The following TRMT10A variants were observed in gnomAD, a reference collection of about 807,000 sequenced individuals.
TRMT10A encodes the protein tRNA methyltransferase 10A.
A neutral mutation model predicts 40.4 loss-of-function variants in TRMT10A; 37 were observed. The observed-to-expected ratio is 0.92, with a 90% CI of 0.71 to 1.21. The LOEUF is 1.21. TRMT10A is among the 50% of genes most tolerant of loss of function. The pLI, the probability that TRMT10A is intolerant of heterozygous loss-of-function variation, is 0.00. For synonymous variants in TRMT10A, 103 were observed against 134.1 expected (o/e 0.77, Z 1.60); for missense variants, 388 against 404.3 (o/e 0.96, Z 0.35).
At chr4:99,556,661 T>A (rs930131303) in intron 4 of TRMT10A, among the ~76,000 whole-genome samples, 9 of 152,156 alleles carry the variant, frequency 5.9e-5, no homozygotes, top group Non-Finnish European at 1.3e-4. Context: ...ATAAAAGGAC[T>A]ATCACAGAAG....
At position 99,548,928 on chromosome 4, in the gene TRMT10A, T is replaced by C. The variant is rs1723845359; in HGVS notation, c.*160A>G. ...TCAAAAAATATTTCCTTACAAAGTTTAAAGGGCTTTTTTTTTTATTATTAT... is the reference window on the plus strand; with the variant it reads ...TCAAAAAATATTTCCTTACAAAGTTCAAAGGGCTTTTTTTTTTATTATTAT... On this transcript the variant is annotated 3_prime_UTR_variant, in exon 8 of 8. Transcript: ENST00000394876. The C allele has an allele frequency of 4.4e-6, 3 of 677,468 alleles. No homozygotes were observed. Among genetic ancestry groups the C allele is most frequent in the Non-Finnish European group, 6.6e-6 (3 of 452,234 alleles). 42.0% of individuals were successfully genotyped at this position (677,468 alleles called of 1,614,324 possible).
intron 6 of TRMT10A, among the ~76,000 whole-genome samples, chr4:99,551,461 T>C (rs1723960755): frequency 6.6e-6 from 1 of 152,192 alleles, no homozygotes; most frequent in African/African-American, 2.4e-5. Flanking sequence ...TGTCACCTAG[T>C]GACTTTGGAG....
At position 99,558,217 on chromosome 4, in the gene TRMT10A, A is replaced by C. The variant is rs764508059; in HGVS notation, c.186-6T>G. 1 of 1,588,418 alleles carries C rather than the reference A, an allele frequency of 6.3e-7. No individual in the cohort carries two copies. The highest frequency in any genetic ancestry group is 8.5e-7 in the Non-Finnish European group (1 of 1,171,172). ...GTTTTTCTTTTCGCTTTTGTCTAAAATTAGTAATTGAAATAACATTTTGTT... is the reference window on the plus strand; with the variant it reads ...GTTTTTCTTTTCGCTTTTGTCTAAACTTAGTAATTGAAATAACATTTTGTT... On this transcript the variant is annotated splice_polypyrimidine_tract_variant and splice_region_variant and intron_variant, in intron 2 of 7. Transcript: ENST00000394876.
chr4:99,548,958 G>A lies in TRMT10A; in HGVS notation c.*130C>T, dbSNP rs1317346543. On this transcript the variant is annotated 3_prime_UTR_variant, in exon 8 of 8. Transcript: ENST00000394876. ...GGCTTTTTTTTTTATTATTATTTAG[G>A]TCCAAAAAAAAGTTTTTAAAAATCA... is the stretch of plus-strand genomic sequence containing the variant. 12 of 875,990 alleles carry A rather than the reference G, an allele frequency of 1.4e-5. No individual in the cohort carries two copies. The highest frequency in any genetic ancestry group is 3.3e-5 in the Admixed American group (1 of 30,182). The allele number at this position is 875,990 out of a possible 1,614,324, so 54.3% of individuals were successfully genotyped here.
chr4:99,552,387 A>G (rs1393816236), intron 6 of TRMT10A, among the ~76,000 whole-genome samples: 3 of 152,192 alleles, frequency 2.0e-5, no homozygotes, highest in African/African-American at 7.2e-5. Context: ...TTTATGTTAC[A>G]ATTGTCTACA....
In TRMT10A at chr4:99,557,377, C is replaced by A. The variant is rs149241895; in HGVS notation, c.388G>T (p.Ala130Ser). 1.9e-6 allele frequency: 3 copies of A among 1,613,388 alleles called. No individual in the cohort carries two copies. Among genetic ancestry groups the A allele is most frequent in the Non-Finnish European group, 1.7e-6 (2 of 1,179,546 alleles). ...KLHKQIQRCY[A>S]ENRRALHPVQ... Reference sequence around the variant, plus strand: ...GGATGCAGTGCCCGTCGGTTTTCTGCGTAACATCGTTGAATCTGCTTATGA... The same window carrying A: ...GGATGCAGTGCCCGTCGGTTTTCTGAGTAACATCGTTGAATCTGCTTATGA... The change falls in exon 4 of 8, where the codon GCA becomes TCA. Residue 130 changes from alanine (A) to serine (S), a missense_variant. Ala to Ser is a moderately conservative substitution (Grantham distance 99). Transcript: ENST00000394876.
chr4:99,558,132 T>G lies in TRMT10A; in HGVS notation c.265A>C (p.Arg89=). ...QMEPNSDGHD[R]KRVRRDVVHS... ...ACAACATCTCTTCGAACACGTTTTC[T>G]GTCATGTCCATCTGAGTTTGGTTCC... is the stretch of plus-strand genomic sequence containing the variant. Residue 89 remains arginine, a synonymous_variant, in exon 3 of 8, where the codon AGA becomes CGA. Coordinates refer to ENST00000394876, the MANE Select transcript of TRMT10A (RefSeq NM_001134665.3). 6.2e-7 allele frequency: 1 copy of G among 1,612,802 alleles called. No homozygotes were observed.
chr4:99,549,589 C>A (rs1723884544), intron 7 of TRMT10A, among the ~76,000 whole-genome samples: 1 of 152,144 alleles, frequency 6.6e-6, no homozygotes, highest in African/African-American at 2.4e-5. Context: ...CAGAAATTTA[C>A]CAGTATCCCA....
At position 99,564,000 on chromosome 4, in the gene TRMT10A, A is replaced by T; in HGVS notation, c.-111T>A. On this transcript the variant is annotated 5_prime_UTR_variant, in exon 1 of 8. Coordinates refer to ENST00000394876, the MANE Select transcript of TRMT10A (RefSeq NM_001134665.3). Reference sequence around the variant, plus strand: ...TTACGGCTCACGCTTCCTTCCACAGAAACTTCAATTCCCAGAGGCAGGGGC... The same window carrying T: ...TTACGGCTCACGCTTCCTTCCACAGTAACTTCAATTCCCAGAGGCAGGGGC... 6.9e-7 allele frequency: 1 copy of T among 1,458,600 alleles called. No homozygotes were observed. Among genetic ancestry groups the T allele is most frequent in the Non-Finnish European group, 9.3e-7 (1 of 1,077,742 alleles). The allele number at this position is 1,458,600 out of a possible 1,614,324, so 90.4% of individuals were successfully genotyped here.
At chr4:99,553,694 G>A (rs995966124) in intron 6 of TRMT10A, 91 bp downstream of exon 6, 13 of 1,262,970 alleles carry the variant, frequency 1.0e-5, no homozygotes, top group Admixed American at 7.4e-5. Flanking sequence ...CAATAAAGAT[G>A]AGCTATCATT....
In TRMT10A at chr4:99,548,933, G is replaced by T. The variant is rs1723845652; in HGVS notation, c.*155C>A. Reference sequence around the variant, plus strand: ...AAATATTTCCTTACAAAGTTTAAAGGGCTTTTTTTTTTATTATTATTTAGG... The same window carrying T: ...AAATATTTCCTTACAAAGTTTAAAGTGCTTTTTTTTTTATTATTATTTAGG... On this transcript the variant is annotated 3_prime_UTR_variant, in exon 8 of 8. Coordinates refer to ENST00000394876, the MANE Select transcript of TRMT10A (RefSeq NM_001134665.3). 1 of 678,544 alleles carries T rather than the reference G, an allele frequency of 1.5e-6. No homozygotes were observed. The highest frequency in any genetic ancestry group is 2.2e-6 in the Non-Finnish European group (1 of 453,556). 42.0% of individuals were successfully genotyped at this position (678,544 alleles called of 1,614,324 possible).
At chr4:99,554,734 AAAAAAAAGAAAG>A (rs1724099154) in intron 5 of TRMT10A, among the ~76,000 whole-genome samples, 2 of 151,598 alleles carry the variant, frequency 1.3e-5, no homozygotes, top group South Asian at 4.2e-4. Flanking sequence ...AAAAAAAAAA[AAAAAAAAGAAAG>A]AAAAAAAGAA....
intron 6 of TRMT10A, among the ~76,000 whole-genome samples, chr4:99,551,503 C>G (rs1723962129): frequency 6.6e-6 from 1 of 152,144 alleles, no homozygotes; most frequent in Non-Finnish European, 1.5e-5. Context: ...ACGCATTACT[C>G]ATGTGTTTGT....
chr4:99,548,736 G>A lies in TRMT10A; in HGVS notation c.*352C>T, dbSNP rs146293723. ...GGCAATAGATCATAAAGATGTTGAT[G>A]TGACTATAAAATTAAAAAACTGAAA... On this transcript the variant is annotated 3_prime_UTR_variant, in exon 8 of 8. Coordinates refer to ENST00000394876, the MANE Select transcript of TRMT10A (RefSeq NM_001134665.3). The A allele has an allele frequency of 5.3e-3, 921 of 173,308 alleles. 8 individuals carry two copies. Among genetic ancestry groups the A allele is most frequent in the African/African-American group, 0.019 (811 of 41,972 alleles). The allele number at this position is 173,308 out of a possible 1,614,324, so 10.7% of individuals were successfully genotyped here.
chr4:99,556,248 A>G, intron 4 of TRMT10A, 28 bp from the exon 5 acceptor site: 1 of 1,589,426 alleles, frequency 6.3e-7, no homozygotes, highest in Non-Finnish European at 8.6e-7. Flanking sequence ...AGTATAGAAA[A>G]AGAGAACAAA....
chr4:99,554,722 CAA>C (rs532448105), intron 5 of TRMT10A, among the ~76,000 whole-genome samples: 11 of 90,884 alleles, frequency 1.2e-4, no homozygotes, highest in Admixed American at 2.7e-4. Flanking sequence ...GACTACGTTT[CAA>C]AAAAAAAAAA....
intron 1 of TRMT10A, chr4:99,563,686 T>C: frequency 2.8e-6 from 1 of 356,366 alleles, no homozygotes; most frequent in East Asian, 7.5e-5. Flanking sequence ...AGAGACGGGA[T>C]TAAGCTGTCT....
intron 6 of TRMT10A, among the ~76,000 whole-genome samples, chr4:99,553,354 T>C (rs578031001): frequency 1.4e-4 from 22 of 152,224 alleles, no homozygotes; most frequent in African/African-American, 5.1e-4. Flanking sequence ...TGAAAGATAA[T>C]AGAAAAAACA....
chr4:99,558,143 T>A lies in TRMT10A; in HGVS notation c.254A>T (p.Asp85Val). The change falls in exon 3 of 8, where the codon GAT becomes GTT. Residue 85 changes from aspartate to valine, a missense_variant. Coordinates refer to ENST00000394876, the MANE Select transcript of TRMT10A (RefSeq NM_001134665.3). The stretch of plus-strand genomic sequence containing the variant: ...TCGAACACGTTTTCTGTCATGTCCA[T>A]CTGAGTTTGGTTCCATTTGACATTG... ...ERQCQMEPNS[D>V]GHDRKRVRRD... 1 of 1,612,328 alleles carries A rather than the reference T, an allele frequency of 6.2e-7. No homozygotes were observed.
Sources: allele counts gnomAD v4.1 joint callset (sites outside exome capture counted in the v4.1 genomes callset), GRCh38; gene constraint gnomAD v4.1.1; transcripts MANE v1.5; gene names NCBI Gene and HGNC (gene_info 2026-07-23, HGNC 2026-07-21).